ACTN4: variants seen among roughly 807,000 people sequenced by gnomAD.
ACTN4 encodes the protein alpha-actinin-4.
In ACTN4, 18 loss-of-function variants were observed where a neutral mutation model predicts 114.2. The ratio of observed to expected loss-of-function variants is 0.16; its 90% CI spans 0.11 to 0.23. The LOEUF (loss-of-function observed/expected upper bound fraction) is 0.23, where lower values mean the gene tolerates loss of function less well. Among genes scored for constraint, ACTN4 ranks in the 10% least tolerant of loss-of-function variants. ACTN4 has a pLI of 1.00. For synonymous variants in ACTN4, 515 were observed against 506.3 expected (o/e 1.02, Z -0.23); for missense variants, 722 against 1,262.9 (o/e 0.57, Z 6.49).
intron 4 of ACTN4, 100 bp from the exon 5 acceptor site, chr19:38,705,944 C>T (rs924040579): frequency 9.3e-6 from 11 of 1,183,738 alleles, no homozygotes; most frequent in African/African-American, 6.0e-5. Flanking sequence ...CCTTGGGTTT[C>T]GTTTGACCCC....
intron 4 of ACTN4, 75 bp from the exon 5 acceptor site, chr19:38,705,969 A>G: frequency 1.3e-6 from 2 of 1,502,922 alleles, no homozygotes; most frequent in Non-Finnish European, 9.3e-7. Context: ...CTGAGCCGAA[A>G]GTCCCATCCA....
chr19:38,700,790 C>A, intron 2 of ACTN4, 76 bp downstream of exon 2: 1 of 1,449,686 alleles, frequency 6.9e-7, no homozygotes, highest in Non-Finnish European at 9.6e-7. Flanking sequence ...GAGACCCTGC[C>A]CACCCAGCTG....
chr19:38,705,665 A>G (rs550032016), intron 4 of ACTN4, among the ~76,000 whole-genome samples: 1 of 152,372 alleles, frequency 6.6e-6, no homozygotes, highest in African/African-American at 2.4e-5. Flanking sequence ...TGTTCAAAAG[A>G]GGCCAAGGCC....
At chr19:38,695,744 T>G (rs1968071460) in intron 1 of ACTN4, among the ~76,000 whole-genome samples, 2 of 152,140 alleles carry the variant, frequency 1.3e-5, no homozygotes, top group African/African-American at 4.8e-5. Context: ...CTCCCTCATT[T>G]TTATCTTATT....
At chr19:38,703,915 G>A (rs1170684793) in intron 3 of ACTN4, among the ~76,000 whole-genome samples, 1 of 152,176 alleles carries the variant, frequency 6.6e-6, no homozygotes, top group East Asian at 1.9e-4. Context: ...GGCGTGCTTT[G>A]TGAGTGGACA....
intron 1 of ACTN4, among the ~76,000 whole-genome samples, chr19:38,670,314 G>A (rs979548056): frequency 6.6e-6 from 1 of 152,216 alleles, no homozygotes. Flanking sequence ...AGCCAGGGCA[G>A]CTCCACATGC....
At chr19:38,684,554 A>G (rs1459891525) in intron 1 of ACTN4, among the ~76,000 whole-genome samples, 1 of 152,162 alleles carries the variant, frequency 6.6e-6, no homozygotes, top group Non-Finnish European at 1.5e-5. Flanking sequence ...CCGCTCCTGG[A>G]GACAGCCACC....
In ACTN4 at chr19:38,702,827, C is replaced by G. The variant is rs147291558; in HGVS notation, c.397+1706C>G. Among the ~76,000 whole-genome samples the G allele has an allele frequency of 2.2e-3, 332 of 152,286 alleles. 1 individual carries two copies. The highest frequency in any genetic ancestry group is 7.5e-3 in the African/African-American group (313 of 41,548). On this transcript the variant is annotated intron_variant, in intron 3 of 20. Coordinates refer to ENST00000252699, the MANE Select transcript of ACTN4 (RefSeq NM_004924.6). ...GGGTGTGTCCCCGGGGGAAGGTGAG[C>G]CCCATCTTCTCTGTGACCTCTCCAC...
intron 1 of ACTN4, among the ~76,000 whole-genome samples, chr19:38,685,125 T>C (rs907218766): frequency 5.3e-5 from 8 of 152,150 alleles, no homozygotes; most frequent in African/African-American, 1.7e-4. Flanking sequence ...TTTGTATTTT[T>C]AGTAGAGATA....
chr19:38,657,912 T>C (rs536073836), intron 1 of ACTN4, among the ~76,000 whole-genome samples: 2 of 152,286 alleles, frequency 1.3e-5, no homozygotes, highest in East Asian at 3.9e-4. Context: ...GGTTAACAAA[T>C]TACTATTCTA....
In ACTN4 at chr19:38,731,416, T is replaced by G; in HGVS notation, c.*1984T>G. The G allele has an allele frequency of 9.7e-6, 6 of 616,064 alleles. No individual in the cohort carries two copies. The highest frequency in any genetic ancestry group is 1.2e-5 in the Non-Finnish European group (4 of 339,432). The allele number at this position is 616,064 out of a possible 1,614,324, so 38.2% of individuals were successfully genotyped here. On this transcript the variant is annotated 3_prime_UTR_variant, in exon 21 of 21. Coordinates refer to ENST00000252699, the MANE Select transcript of ACTN4 (RefSeq NM_004924.6). ...CTGTTTCCTCATCCATCAAACGGACTAAGACAGCCCCGACCCCATAGGGTG... is the reference window on the plus strand; with the variant it reads ...CTGTTTCCTCATCCATCAAACGGACGAAGACAGCCCCGACCCCATAGGGTG...
At chr19:38,728,325 G>C (rs1599864864) in intron 19 of ACTN4, 1 of 1,495,810 alleles carries the variant, frequency 6.7e-7, no homozygotes, top group Non-Finnish European at 9.0e-7. Context: ...GAAGCAGACA[G>C]GCAGCATGGA....
chr19:38,712,596 T>G (rs1968693412), intron 8 of ACTN4, among the ~76,000 whole-genome samples: 1 of 151,858 alleles, frequency 6.6e-6, no homozygotes, highest in South Asian at 2.1e-4. Flanking sequence ...CGATTGGAGC[T>G]TGTGTTTGGA....
chr19:38,687,049 C>T (rs916038860), intron 1 of ACTN4, among the ~76,000 whole-genome samples: 12 of 151,770 alleles, frequency 7.9e-5, no homozygotes, highest in East Asian at 3.9e-4. Flanking sequence ...CTGCAGCCTC[C>T]GCCTCCTGGG....
At chr19:38,682,624 A>T (rs1301366113) in intron 1 of ACTN4, among the ~76,000 whole-genome samples, 3 of 152,124 alleles carry the variant, frequency 2.0e-5, no homozygotes, top group Non-Finnish European at 4.4e-5. Context: ...ACACACGGCC[A>T]CTGGGATTGG....
chr19:38,722,283 G>T (rs988980004), intron 12 of ACTN4, among the ~76,000 whole-genome samples: 1 of 152,168 alleles, frequency 6.6e-6, no homozygotes, highest in African/African-American at 2.4e-5. Flanking sequence ...CCAGGCAGCA[G>T]GAGGCCCAGG....
At chr19:38,700,849 G>A in intron 2 of ACTN4, 135 bp downstream of exon 2, 1 of 1,363,040 alleles carries the variant, frequency 7.3e-7, no homozygotes, top group Non-Finnish European at 1.0e-6. Flanking sequence ...GCTGCACGGT[G>A]GTCTGATGGG....
intron 1 of ACTN4, among the ~76,000 whole-genome samples, chr19:38,696,035 A>C (rs1025106223): frequency 1.6e-4 from 25 of 151,874 alleles, no homozygotes; most frequent in Admixed American, 8.5e-4. Context: ...CAGTACTAGC[A>C]CCTCCCTCCA....
intron 5 of ACTN4, 152 bp downstream of exon 5, chr19:38,706,283 A>T: frequency 3.7e-6 from 3 of 809,364 alleles, no homozygotes; most frequent in African/African-American, 1.7e-5. Context: ...AGCCCATGGG[A>T]AGGTCACCTG....
Sources: allele counts gnomAD v4.1 joint callset (sites outside exome capture counted in the v4.1 genomes callset), GRCh38; gene constraint gnomAD v4.1.1; transcripts MANE v1.5; gene names NCBI Gene and HGNC (gene_info 2026-07-23, HGNC 2026-07-21).